Variants in CCDC13 observed in about 807,000 individuals in gnomAD.
The protein encoded by CCDC13 is coiled-coil domain-containing protein 13.
CCDC13 carries 70 observed loss-of-function variants against 87.3 expected under a neutral mutation model. The ratio of observed to expected loss-of-function variants is 0.80; its 90% confidence interval spans 0.66 to 0.98. CCDC13 has a LOEUF of 0.98. Ranked by LOEUF, CCDC13 falls within the 50% of genes least tolerant of loss-of-function variation. The pLI, the probability that CCDC13 is intolerant of heterozygous loss-of-function variation, is 0.00. For synonymous variants in CCDC13, 317 were observed against 360.3 expected, an observed-to-expected ratio of 0.88 and a Z score of 1.36; for missense variants, 842 against 892.0, an observed-to-expected ratio of 0.94 and a Z score of 0.71.
chr3:42,716,475 A>C (rs1245406641), intron 13 of CCDC13, among the ~76,000 whole-genome samples: 1 of 152,232 alleles, frequency 6.6e-6, no homozygotes, highest in Non-Finnish European at 1.5e-5. Flanking sequence ...TCCAAAAAAC[A>C]TAAAGAGCTA....
intron 1 of CCDC13, among the ~76,000 whole-genome samples, chr3:42,769,979 C>A (rs1321659273): frequency 6.6e-6 from 1 of 152,264 alleles, no homozygotes; most frequent in African/African-American, 2.4e-5. Flanking sequence ...CGCGCCCCAG[C>A]CTCCCCAACG....
At chr3:42,733,741 G>A (rs1367468868) in intron 10 of CCDC13, 132 bp from the exon 11 acceptor site, 11 of 1,176,058 alleles carry the variant, frequency 9.4e-6, no homozygotes, top group Middle Eastern at 2.6e-4. Flanking sequence ...AGTGAAAAGC[G>A]AGGCCTGTTT....
intron 13 of CCDC13, among the ~76,000 whole-genome samples, chr3:42,726,353 C>T (rs1345287683): frequency 1.3e-5 from 2 of 151,994 alleles, no homozygotes; most frequent in East Asian, 3.9e-4. Context: ...AGAACAGGAG[C>T]TTTTACCGAA....
At chr3:42,768,026 A>G (rs1699968467) in intron 1 of CCDC13, among the ~76,000 whole-genome samples, 1 of 152,158 alleles carries the variant, frequency 6.6e-6, no homozygotes, top group African/African-American at 2.4e-5. Flanking sequence ...ACAGTGTGGT[A>G]TTGGTGAAGA....
chr3:42,750,110 CA>C (rs1274424985), intron 5 of CCDC13, among the ~76,000 whole-genome samples: 1 of 152,218 alleles, frequency 6.6e-6, no homozygotes, highest in African/African-American at 2.4e-5. Context: ...AGAATAAAGT[CA>C]AAACTCCTGC....
intron 14 of CCDC13, among the ~76,000 whole-genome samples, chr3:42,710,342 G>A (rs941789104): frequency 2.0e-5 from 3 of 151,926 alleles, no homozygotes; most frequent in African/African-American, 4.8e-5. Context: ...GATTACAGGC[G>A]TAAACCACCA....
At chr3:42,725,963 C>A (rs141819523) in intron 13 of CCDC13, among the ~76,000 whole-genome samples, 41 of 152,182 alleles carry the variant, frequency 2.7e-4, no homozygotes, top group Non-Finnish European at 5.1e-4. Context: ...GGAATAAGTT[C>A]AAAATTATTT....
intron 7 of CCDC13, chr3:42,745,423 G>C (rs1298338145): frequency 6.5e-6 from 1 of 153,810 alleles, no homozygotes; most frequent in Non-Finnish European, 1.4e-5. Flanking sequence ...CTGGTGAGTG[G>C]AGAGCTGGGA....
At chr3:42,728,932 C>CT (rs1559642568) in intron 13 of CCDC13, among the ~76,000 whole-genome samples, 2 of 152,144 alleles carry the variant, frequency 1.3e-5, no homozygotes, top group African/African-American at 4.8e-5. Context: ...TTGCCTCACC[C>CT]AATCCTAGCC....
At position 42,740,309 on chromosome 3, in the gene CCDC13, C is replaced by A. The variant is rs549199640; in HGVS notation, c.988-499G>T. On this transcript the variant is annotated intron_variant, in intron 8 of 15. Coordinates refer to ENST00000310232, the MANE Select transcript of CCDC13 (RefSeq NM_144719.4). The stretch of plus-strand genomic sequence containing the variant: ...CATGATTATTTGGCACAACCCCTGA[C>A]AGCACCTTGCTTTGTCAGCTACCAA... 3.9e-5 allele frequency among the ~76,000 whole-genome samples: 6 copies of A among 152,338 alleles called. No homozygotes were observed. In the South Asian group the frequency reaches 6.2e-4, roughly 16 times the overall value.
In CCDC13 at chr3:42,752,018, G is replaced by C; in HGVS notation, c.521C>G (p.Thr174Arg). The C allele has an allele frequency of 1.2e-6, 2 of 1,605,916 alleles. No individual in the cohort carries two copies. The highest frequency in any genetic ancestry group is 1.7e-6 in the Non-Finnish European group (2 of 1,179,926). The change falls in exon 5 of 16, where the codon ACA (threonine) becomes AGA (arginine). Residue 174 changes from threonine (T) to arginine (R), a missense_variant. Coordinates refer to ENST00000310232, the MANE Select transcript of CCDC13 (RefSeq NM_144719.4). ...CTTGGCTGACAGCCTGGTCAGGGCT[G>C]TCTGCAGCTGAAAAAGCAAACCTCG... is the stretch of plus-strand genomic sequence containing the variant. The part of the protein sequence containing the change: ...RIQELERELQ[T>R]ALTRLSAKGA...
rs967049396 is a variant in CCDC13 at position 42,756,933 on chromosome 3, C to T, written c.370+133G>A. 5 of 871,686 alleles carry T rather than the reference C, an allele frequency of 5.7e-6. No homozygotes were observed. In the South Asian group the frequency reaches 9.3e-5, roughly 16 times the overall value. The allele number at this position is 871,686 out of a possible 1,614,324, so 54.0% of individuals were successfully genotyped here. A position where few individuals can be genotyped will look rare whatever the true frequency, so the allele number is the denominator to read the frequency against. ...TCTACCCTCTCCCTCACTTCCAGGACTCCTCTGGACAAGCTTGATCACAAC... is the reference window on the plus strand; with the variant it reads ...TCTACCCTCTCCCTCACTTCCAGGATTCCTCTGGACAAGCTTGATCACAAC... On this transcript the variant is annotated intron_variant, in intron 3 of 15. Transcript: ENST00000310232.
intron 7 of CCDC13, 114 bp from the exon 8 acceptor site, chr3:42,743,171 G>A: frequency 8.3e-7 from 1 of 1,199,656 alleles, no homozygotes; most frequent in Non-Finnish European, 1.2e-6. Context: ...CTAGATGGCT[G>A]TGGTAGCCCC....
At chr3:42,735,180 G>A (rs969976456) in intron 10 of CCDC13, among the ~76,000 whole-genome samples, 1 of 152,366 alleles carries the variant, frequency 6.6e-6, no homozygotes, top group South Asian at 2.1e-4. Context: ...GACCGAGGCC[G>A]TGGGGGAGGA....
chr3:42,733,690 T>G, intron 10 of CCDC13, 81 bp from the exon 11 acceptor site: 3 of 1,495,446 alleles, frequency 2.0e-6, no homozygotes, highest in South Asian at 2.7e-5. Context: ...TTGGCTTGAT[T>G]TCGGGGCTTT....
Position 42,709,111 on chromosome 3 carries a change from T to G in CCDC13, c.2017A>C (p.Met673Leu), listed in dbSNP as rs1698242061. Residue 673 changes from methionine to leucine, a missense_variant, in exon 16 of 16, where the codon ATG becomes CTG. Coordinates refer to ENST00000310232, the MANE Select transcript of CCDC13 (RefSeq NM_144719.4). Reference protein sequence around the residue: ...RLAIQVEENEMLKAALGSALR... With the variant: ...RLAIQVEENELLKAALGSALR... ...GCACTGCCCAGGGCAGCCTTTAGCA[T>G]TTCATTCTCCTCCACCTGGATGGCC... 3 of 1,612,808 alleles carry G rather than the reference T, an allele frequency of 1.9e-6. No homozygotes were observed. The highest frequency in any genetic ancestry group is 2.5e-6 in the Non-Finnish European group (3 of 1,179,304).
chr3:42,765,303 T>C (rs1699906813), intron 1 of CCDC13, among the ~76,000 whole-genome samples: 1 of 152,242 alleles, frequency 6.6e-6, no homozygotes, highest in Non-Finnish European at 1.5e-5. Flanking sequence ...AGGACACCTG[T>C]GGTCCAGACC....
chr3:42,714,048 A>G (rs1290708606), intron 13 of CCDC13: 1 of 152,286 alleles, frequency 6.6e-6, no homozygotes, highest in African/African-American at 2.4e-5. Flanking sequence ...GCTGCTGGTC[A>G]ATTTCACCTT....
intron 15 of CCDC13, 117 bp downstream of exon 15, chr3:42,709,567 C>G: frequency 1.2e-6 from 1 of 844,210 alleles, no homozygotes; most frequent in Non-Finnish European, 2.0e-6. Flanking sequence ...CCAAACAGGA[C>G]AAGCCTTCTG....
Sources: gnomAD v4.1 joint callset for allele counts (sites outside exome capture counted in the v4.1 genomes callset) on GRCh38, gnomAD v4.1.1 for gene constraint, MANE v1.5 for transcripts, NCBI Gene and HGNC (gene_info 2026-07-23, HGNC 2026-07-21) for gene names.